The following CLCA4 variants were observed in gnomAD, a reference collection of about 807,000 sequenced individuals.
CLCA4 encodes the protein chloride channel accessory 4.
A neutral mutation model predicts 78.9 loss-of-function variants in CLCA4; 69 were observed. The observed-to-expected ratio is 0.87, with a 90% confidence interval of 0.72 to 1.07. The LOEUF (loss-of-function observed/expected upper bound fraction) is 1.07, where lower values mean the gene tolerates loss of function less well. Among genes scored for constraint, CLCA4 ranks in the 50% least tolerant of loss-of-function variants. The pLI is 0.00. For synonymous variants in CLCA4, 362 were observed against 375.8 expected, an observed-to-expected ratio of 0.96 and a Z score of 0.42; for missense variants, 1,133 against 1,095.8, an observed-to-expected ratio of 1.03 and a Z score of -0.48.
At chr1:86,555,773 A>T (rs1484759848) in intron 1 of CLCA4, among the ~76,000 whole-genome samples, 1 of 152,198 alleles carries the variant, frequency 6.6e-6, no homozygotes. Context: ...CAATGAATCT[A>T]TAAATTGCTT....
intron 1 of CLCA4, chr1:86,553,234 G>A (rs1438192013): frequency 1.9e-6 from 2 of 1,071,402 alleles, no homozygotes; most frequent in East Asian, 2.4e-5. Flanking sequence ...ATGTCCAAGA[G>A]GGACTGCCGC....
chr1:86,563,594 T>G, intron 3 of CLCA4, 67 bp from the exon 4 acceptor site: 1 of 735,434 alleles, frequency 1.4e-6, no homozygotes. Context: ...AAAGAGAAGC[T>G]TCTTAAAATA....
In CLCA4 at chr1:86,556,617, G is replaced by A. The variant is rs536562655; in HGVS notation, c.160-3315G>A. Among the ~76,000 whole-genome samples the A allele has an allele frequency of 7.2e-5, 11 of 152,212 alleles. No individual in the cohort carries two copies. The East Asian group carries it at 1.7e-3, about 24-fold the overall frequency. On this transcript the variant is annotated intron_variant, in intron 1 of 13. Coordinates refer to ENST00000370563, the MANE Select transcript of CLCA4 (RefSeq NM_012128.4). Reference sequence around the variant, plus strand: ...TTTTGTTGAGAATTTTTGCATCAATGTTCATAAAGGATATTGGCCTGAAGT... The same window carrying A: ...TTTTGTTGAGAATTTTTGCATCAATATTCATAAAGGATATTGGCCTGAAGT...
chr1:86,572,953 T>G (rs1355108633), intron 9 of CLCA4: 1 of 492,046 alleles, frequency 2.0e-6, no homozygotes, highest in East Asian at 3.8e-5. Context: ...TTGCCATGGG[T>G]TTGGTTAAGA....
rs1446258203 is a variant in CLCA4, at chr1:86,579,570, A to ATTTTGATGTTG, written c.2340_2350dup (p.Gly784ValfsTer12). ...CTTACATGGACAGCACCAGGAGATA[A>ATTTTGATGTTG]TTTTGATGTTGGAAAAGGTAAGGAT... On this transcript the variant is annotated frameshift_variant, in exon 13 of 14. Transcript: ENST00000370563. LOFTEE classifies it low-confidence loss of function (END_TRUNC). 2.1e-6 allele frequency: 3 copies of ATTTTGATGTTG among 1,421,958 alleles called. No individual in the cohort carries two copies. The allele number at this position is 1,421,958 out of a possible 1,614,324, so 88.1% of individuals were successfully genotyped here. A position where few individuals can be genotyped will look rare whatever the true frequency, so the allele number is the denominator to read the frequency against.
At position 86,547,099 on chromosome 1, in the gene CLCA4, A is replaced by G. The variant is rs201138221; in HGVS notation, c.-21A>G. 5 of 1,586,762 alleles carry G rather than the reference A, an allele frequency of 3.2e-6. No homozygotes were observed. Among genetic ancestry groups the G allele is most frequent in the Admixed American group, 4.0e-5 (2 of 50,626 alleles). On this transcript the variant is annotated 5_prime_UTR_variant, in exon 1 of 14. Coordinates refer to ENST00000370563, the MANE Select transcript of CLCA4 (RefSeq NM_012128.4). ...TCTTGAACAAACCAACATTTGAGCC[A>G]GGAATAACTAGAGAGGAACAATGGG...
intron 3 of CLCA4, among the ~76,000 whole-genome samples, chr1:86,561,543 T>G (rs1254065507): frequency 6.6e-6 from 1 of 152,034 alleles, no homozygotes; most frequent in Non-Finnish European, 1.5e-5. Context: ...TCAACTCTCT[T>G]TCTCAATTCC....
At chr1:86,570,660 T>G (rs931171875) in intron 7 of CLCA4, among the ~76,000 whole-genome samples, 1 of 152,070 alleles carries the variant, frequency 6.6e-6, no homozygotes, top group African/African-American at 2.4e-5. Flanking sequence ...TCTTAATGCA[T>G]CTAGCTTTAA....
intron 1 of CLCA4, chr1:86,553,302 T>C: frequency 5.8e-6 from 4 of 685,284 alleles, no homozygotes; most frequent in South Asian, 3.5e-5. Flanking sequence ...CACGTCTTCC[T>C]GGTGGCCAAC....
intron 1 of CLCA4, chr1:86,553,381 T>C (rs1649722749): frequency 3.9e-6 from 2 of 518,262 alleles, no homozygotes; most frequent in East Asian, 3.4e-5. Context: ...TCCTGCCGTC[T>C]CGTGCATCCC....
intron 3 of CLCA4, among the ~76,000 whole-genome samples, chr1:86,562,945 T>C (rs1033380704): frequency 6.6e-6 from 1 of 151,584 alleles, no homozygotes; most frequent in African/African-American, 2.4e-5. Flanking sequence ...TTCAGATTCA[T>C]ATGAGGTCGT....
At chr1:86,551,863 A>G (rs1649673910) in intron 1 of CLCA4, among the ~76,000 whole-genome samples, 2 of 151,180 alleles carry the variant, frequency 1.3e-5, no homozygotes. Flanking sequence ...GCTCAAGTCT[A>G]GGAAGATGTG....
At chr1:86,563,547 T>A (rs2101802129) in intron 3 of CLCA4, 114 bp from the exon 4 acceptor site, 1 of 518,306 alleles carries the variant, frequency 1.9e-6, no homozygotes, top group Middle Eastern at 3.0e-4. Flanking sequence ...ATGTTGATAG[T>A]TGTTGAAAAC....
rs958675326 is a variant in CLCA4, at chr1:86,563,622, C to T, written c.449-39C>T. 10 of 1,020,830 alleles carry T rather than the reference C, an allele frequency of 9.8e-6. No individual in the cohort carries two copies. The East Asian group carries it at 1.8e-4, about 18-fold the overall frequency. The allele number at this position is 1,020,830 out of a possible 1,614,324, so 63.2% of individuals were successfully genotyped here. On this transcript the variant is annotated intron_variant, in intron 3 of 13. Coordinates refer to ENST00000370563, the MANE Select transcript of CLCA4 (RefSeq NM_012128.4). ...TTAAAATATGATACAAAACGTGTCACTTGGATTATGATCATGTATTTGAAA... is the reference window on the plus strand; with the variant it reads ...TTAAAATATGATACAAAACGTGTCATTTGGATTATGATCATGTATTTGAAA...
chr1:86,552,825 G>C (rs563310379), intron 1 of CLCA4: 1 of 905,820 alleles, frequency 1.1e-6, no homozygotes, highest in African/African-American at 1.6e-5. Flanking sequence ...TGTAGCGGGG[G>C]ATTTTAGTCT....
chr1:86,563,768 A>C lies in CLCA4; in HGVS notation c.556A>C (p.Arg186=). 1.3e-6 allele frequency: 2 copies of C among 1,560,780 alleles called. No individual in the cohort carries two copies. The highest frequency in any genetic ancestry group is 1.8e-6 in the Non-Finnish European group (2 of 1,139,520). ...RAKSKKIEAT[R]CSAGISGRNR... is the part of the protein sequence containing the mutation. ...TAAGTCAAAAAAAATCGAAGCAACAAGGCATGGCTATTTAAATTTTCTAAA... is the reference window on the plus strand; with the variant it reads ...TAAGTCAAAAAAAATCGAAGCAACACGGCATGGCTATTTAAATTTTCTAAA... Residue 186 remains arginine, a splice_region_variant and synonymous_variant, in exon 4 of 14, where the codon AGG becomes CGG. Coordinates refer to ENST00000370563, the MANE Select transcript of CLCA4 (RefSeq NM_012128.4).
rs770576924 is a variant in CLCA4 at position 86,565,430 on chromosome 1, G to A, written c.714G>A (p.Met238Ile). ...DKVQTEKASIMFMQSIDSVVE... is the reference protein window; with the variant it reads ...DKVQTEKASIIFMQSIDSVVE... The stretch of plus-strand genomic sequence containing the variant: ...TACAAACAGAAAAAGCATCCATAAT[G>A]TTTATGCAAAGTATTGATTCTGTAA... Residue 238 changes from methionine (M) to isoleucine (I), a missense_variant, in exon 5 of 14, where the codon ATG (methionine) becomes ATA (isoleucine). Transcript: ENST00000370563. The A allele has an allele frequency of 6.3e-7, 1 of 1,595,778 alleles. No homozygotes were observed. Among genetic ancestry groups the A allele is most frequent in the Non-Finnish European group, 8.5e-7 (1 of 1,170,918 alleles).
chr1:86,561,155 G>A (rs1467972613), intron 3 of CLCA4, among the ~76,000 whole-genome samples: 1 of 152,138 alleles, frequency 6.6e-6, no homozygotes, highest in East Asian at 1.9e-4. Context: ...CCCCTCTCCA[G>A]TCTTGAAAGT....
In CLCA4 at chr1:86,565,434, A is replaced by G. The variant is rs1650150560; in HGVS notation, c.718A>G (p.Met240Val). 6 of 1,593,236 alleles carry G rather than the reference A, an allele frequency of 3.8e-6. No individual in the cohort carries two copies. Among genetic ancestry groups the G allele is most frequent in the East Asian group, 2.2e-5 (1 of 44,706 alleles). Residue 240 changes from methionine to valine, a missense_variant, in exon 5 of 14, where the codon ATG becomes GTG. Transcript: ENST00000370563. ...AACAGAAAAAGCATCCATAATGTTTATGCAAAGTATTGATTCTGTAAGTAT... is the reference window on the plus strand; with the variant it reads ...AACAGAAAAAGCATCCATAATGTTTGTGCAAAGTATTGATTCTGTAAGTAT... ...VQTEKASIMF[M>V]QSIDSVVEFC...
Sources: gnomAD v4.1 joint callset for allele counts (sites outside exome capture counted in the v4.1 genomes callset) on GRCh38, gnomAD v4.1.1 for gene constraint, MANE v1.5 for transcripts, NCBI Gene and HGNC (gene_info 2026-07-23, HGNC 2026-07-21) for gene names.